Variants in CCDC63 observed in about 807,000 individuals in gnomAD.
CCDC63 encodes the protein coiled-coil domain-containing protein 63.
CCDC63 carries 54 observed loss-of-function variants against 63.6 expected under a neutral mutation model. The ratio of observed to expected loss-of-function variants is 0.85; its 90% CI spans 0.68 to 1.07. CCDC63 has a LOEUF of 1.07. Ranked by LOEUF, CCDC63 falls within the 50% of genes least tolerant of loss-of-function variation. CCDC63 has a pLI of 0.00. For synonymous variants in CCDC63, 253 were observed against 266.1 expected (o/e 0.95, Z 0.48); for missense variants, 637 against 689.6 (o/e 0.92, Z 0.86).
intron 9 of CCDC63, among the ~76,000 whole-genome samples, chr12:110,895,193 A>G (rs2071403728): frequency 6.6e-6 from 1 of 152,120 alleles, no homozygotes; most frequent in Non-Finnish European, 1.5e-5. Context: ...GGTTCACTGC[A>G]ACCTCCACCT....
chr12:110,906,737 G>A (rs2071591437), intron 11 of CCDC63, among the ~76,000 whole-genome samples: 2 of 152,070 alleles, frequency 1.3e-5, no homozygotes, highest in African/African-American at 2.4e-5. Context: ...GTGAAAGCTA[G>A]GTCAGATGCC....
intron 10 of CCDC63, among the ~76,000 whole-genome samples, chr12:110,901,157 G>T (rs1231426162): frequency 6.6e-6 from 1 of 152,136 alleles, no homozygotes; most frequent in African/African-American, 2.4e-5. Context: ...TAAATTTTGT[G>T]GGTACATGGT....
intron 9 of CCDC63, 30 bp downstream of exon 9, chr12:110,893,180 G>A (rs367980106): frequency 1.8e-5 from 28 of 1,574,698 alleles, no homozygotes; most frequent in Non-Finnish European, 2.4e-5. Flanking sequence ...GGAGGGATGC[G>A]GGAGCTTCTG....
intron 10 of CCDC63, among the ~76,000 whole-genome samples, chr12:110,904,309 T>A (rs1474854031): frequency 6.6e-6 from 1 of 150,450 alleles, no homozygotes. Flanking sequence ...CCACTGCACT[T>A]CAGCCTGGGC....
intron 4 of CCDC63, among the ~76,000 whole-genome samples, chr12:110,864,715 A>C (rs1593651305): frequency 6.6e-6 from 1 of 152,018 alleles, no homozygotes; most frequent in East Asian, 1.9e-4. Flanking sequence ...CTCAAAAAAA[A>C]AAAAAAGAGA....
At chr12:110,890,749 ATCT>A (rs1452584110) in intron 8 of CCDC63, among the ~76,000 whole-genome samples, 3 of 141,388 alleles carry the variant, frequency 2.1e-5, no homozygotes, top group Non-Finnish European at 4.6e-5. Context: ...ACCTCCCAAC[ATCT>A]TCTATTTTTT....
rs113113802 is a variant in CCDC63, at chr12:110,892,686, C to T, written c.1075-390C>T. On this transcript the variant is annotated intron_variant, in intron 8 of 11. Coordinates refer to ENST00000308208, the MANE Select transcript of CCDC63 (RefSeq NM_152591.3). The stretch of plus-strand genomic sequence containing the variant: ...ATACAAAAAGCTGGGCTTGGTGGTG[C>T]GTGCCTGTAGTCCCAGCTACTCAGG... Among the ~76,000 whole-genome samples the T allele has an allele frequency of 3.7e-3, 566 of 152,080 alleles. 1 individual carries two copies. Among genetic ancestry groups the T allele is most frequent in the Non-Finnish European group, 5.6e-3 (378 of 67,984 alleles).
chr12:110,863,056 GT>G (rs2070881562), intron 4 of CCDC63, among the ~76,000 whole-genome samples: 1 of 151,656 alleles, frequency 6.6e-6, no homozygotes, highest in Non-Finnish European at 1.5e-5. Flanking sequence ...GCGTCCAGCT[GT>G]TTGTTTTATT....
At chr12:110,901,445 C>T (rs1450909233) in intron 10 of CCDC63, among the ~76,000 whole-genome samples, 1 of 151,786 alleles carries the variant, frequency 6.6e-6, no homozygotes, top group East Asian at 1.9e-4. Flanking sequence ...CCAGGCTGGC[C>T]TCGAACCCCT....
chr12:110,901,672 G>A (rs1034888632), intron 10 of CCDC63, among the ~76,000 whole-genome samples: 20 of 152,118 alleles, frequency 1.3e-4, no homozygotes, highest in African/African-American at 4.8e-4. Context: ...ATAAGTGAGG[G>A]CGTGTGAAGT....
At chr12:110,866,084 T>C (rs528212949) in intron 4 of CCDC63, among the ~76,000 whole-genome samples, 1 of 152,256 alleles carries the variant, frequency 6.6e-6, no homozygotes, top group South Asian at 2.1e-4. Flanking sequence ...TTCAAGCAAT[T>C]CTCATGCCTC....
chr12:110,888,853 CCTTCCTTCG>C (rs1566134736), intron 8 of CCDC63, among the ~76,000 whole-genome samples: 12 of 88,774 alleles, frequency 1.4e-4, no homozygotes, highest in Admixed American at 3.7e-4. Flanking sequence ...TTCCTTCCTT[CCTTCCTTCG>C]TTTTTCTTTC....
rs182768951 is a variant in CCDC63 at position 110,858,554 on chromosome 12, T to C, written c.180-32T>C. ...GCTCCGTCAAGTTAAACTTAGGGGT[T>C]TGGGGTTAATCATGGGCTGCTTTTC... On this transcript the variant is annotated intron_variant, in intron 3 of 11. Coordinates refer to ENST00000308208, the MANE Select transcript of CCDC63 (RefSeq NM_152591.3). 8.2e-4 allele frequency: 1,294 copies of C among 1,586,942 alleles called. 10 individuals are homozygous for C. Among genetic ancestry groups the C allele is most frequent in the Non-Finnish European group, 1.3e-4 (150 of 1,166,376 alleles).
upstream of CCDC63, chr12:110,846,791 G>GGT (rs1407025323): frequency 6.6e-6 from 1 of 152,354 alleles, no homozygotes; most frequent in Non-Finnish European, 1.5e-5. Context: ...CGGGTAGTCT[G>GGT]GTAAGGGGTC....
intron 3 of CCDC63, among the ~76,000 whole-genome samples, chr12:110,854,030 C>T (rs182206363): frequency 2.0e-5 from 3 of 152,212 alleles, no homozygotes; most frequent in Admixed American, 1.3e-4. Flanking sequence ...CTGATAGGCT[C>T]AGCTTGGGTT....
intron 3 of CCDC63, among the ~76,000 whole-genome samples, chr12:110,854,550 C>T (rs894231767): frequency 1.3e-5 from 2 of 152,026 alleles, no homozygotes; most frequent in Non-Finnish European, 2.9e-5. Flanking sequence ...CCACCTCGGC[C>T]TCCTAAAGTG....
chr12:110,878,351 G>C (rs1035950235), intron 5 of CCDC63, among the ~76,000 whole-genome samples: 3 of 152,072 alleles, frequency 2.0e-5, no homozygotes, highest in African/African-American at 7.2e-5. Flanking sequence ...GTCTCACTCT[G>C]TTGCCCAGGC....
intron 5 of CCDC63, among the ~76,000 whole-genome samples, chr12:110,879,649 C>T (rs2071172472): frequency 6.6e-6 from 1 of 152,146 alleles, no homozygotes; most frequent in South Asian, 2.1e-4. Flanking sequence ...TTGCCTACAG[C>T]TGGAACTTAG....
At chr12:110,866,698 A>G (rs2070953983) in intron 4 of CCDC63, among the ~76,000 whole-genome samples, 1 of 150,110 alleles carries the variant, frequency 6.7e-6, no homozygotes, top group Non-Finnish European at 1.5e-5. Context: ...AACAAAATGA[A>G]AAGTCTCCCA....
Sources: gnomAD v4.1 joint callset for allele counts (sites outside exome capture counted in the v4.1 genomes callset) on GRCh38, gnomAD v4.1.1 for gene constraint, MANE v1.5 for transcripts, NCBI Gene and HGNC (gene_info 2026-07-23, HGNC 2026-07-21) for gene names.